The following HECW1 variants were observed in gnomAD, a reference collection of about 807,000 sequenced individuals.
The protein encoded by HECW1 is E3 ubiquitin-protein ligase HECW1.
In HECW1, 61 loss-of-function variants were observed where a neutral mutation model predicts 182.3. The ratio of observed to expected loss-of-function variants is 0.33; its 90% CI spans 0.27 to 0.41. HECW1 has a LOEUF of 0.41. HECW1 is among the 10% of genes least tolerant of loss of function. The probability of loss-of-function intolerance (pLI) is 1.00; values close to 1 mark genes in which losing one functional copy is unlikely to be tolerated. For missense variants in HECW1, 1,739 were observed against 2,108.9 expected (o/e 0.82, Z 3.44); for synonymous variants, 859 against 832.6 (o/e 1.03, Z -0.55).
At chr7:43,217,987 T>C (rs1279727461) in intron 2 of HECW1, among the ~76,000 whole-genome samples, 1 of 152,160 alleles carries the variant, frequency 6.6e-6, no homozygotes, top group Non-Finnish European at 1.5e-5. Flanking sequence ...CAGGGAGGCC[T>C]GTGGGGTCCA....
intron 18 of HECW1, 83 bp from the exon 19 acceptor site, chr7:43,493,001 T>C: frequency 1.2e-6 from 1 of 860,414 alleles, no homozygotes. Context: ...TTAATCCTGG[T>C]ATCAAGCAGC....
rs747334643 is a variant in HECW1 at position 43,445,275 on chromosome 7, G to A, written c.2103G>A (p.Ser701=). 6 of 1,612,856 alleles carry A rather than the reference G, an allele frequency of 3.7e-6. No homozygotes were observed. The highest frequency in any genetic ancestry group is 1.7e-5 in the Admixed American group (1 of 60,032). Residue 701 remains serine, a synonymous_variant, in exon 11 of 30, where the codon TCG becomes TCA. Transcript: ENST00000395891. ...SCYSSSCYSA[S]CYSPSCYNGN... ...ACAGCAGCTCGTGCTACAGCGCCTC[G>A]TGCTACAGCCCCTCCTGCTACAACG... is the stretch of plus-strand genomic sequence containing the variant.
chr7:43,255,471 C>T (rs1335172545), intron 3 of HECW1, among the ~76,000 whole-genome samples: 1 of 152,130 alleles, frequency 6.6e-6, no homozygotes, highest in African/African-American at 2.4e-5. Flanking sequence ...TGGTTGCACA[C>T]CTGTAATCCC....
chr7:43,530,667 A>T (rs941318892), intron 24 of HECW1, among the ~76,000 whole-genome samples: 39 of 152,144 alleles, frequency 2.6e-4, no homozygotes, highest in African/African-American at 9.4e-4. Context: ...TGAGCTTCAA[A>T]CTTTATTATC....
At chr7:43,255,829 T>C (rs1280548090) in intron 3 of HECW1, among the ~76,000 whole-genome samples, 1 of 152,036 alleles carries the variant, frequency 6.6e-6, no homozygotes, top group African/African-American at 2.4e-5. Flanking sequence ...GACAGCTCTA[T>C]GAGCATGCAT....
chr7:43,202,971 A>C (rs1195644946), intron 2 of HECW1, among the ~76,000 whole-genome samples: 2 of 151,960 alleles, frequency 1.3e-5, no homozygotes, highest in Non-Finnish European at 2.9e-5. Context: ...CCTATAAAAC[A>C]GCCCCACCCC....
chr7:43,239,619 G>A (rs1798690309), intron 2 of HECW1, among the ~76,000 whole-genome samples: 1 of 152,214 alleles, frequency 6.6e-6, no homozygotes, highest in African/African-American at 2.4e-5. Context: ...AATCCTAAAT[G>A]CCAATTGTCC....
chr7:43,212,208 A>G (rs79018008), intron 2 of HECW1, among the ~76,000 whole-genome samples: 18,366 of 152,216 alleles, frequency 0.12, 1,155 homozygotes, highest in Middle Eastern at 0.16. Context: ...TATTAAATGA[A>G]ATGCATGAAT....
chr7:43,528,700 C>T (rs944854700), intron 24 of HECW1, among the ~76,000 whole-genome samples: 1 of 152,216 alleles, frequency 6.6e-6, no homozygotes, highest in Admixed American at 6.5e-5. Flanking sequence ...GGTCTCACTC[C>T]TCTGCCCCCC....
chr7:43,488,494 GAAAGAAAGAAAAGA>G (rs1158779569), intron 17 of HECW1, among the ~76,000 whole-genome samples: 1 of 144,240 alleles, frequency 6.9e-6, no homozygotes, highest in African/African-American at 2.5e-5. Context: ...GAAAGAGAAA[GAAAGAAAGAAAAGA>G]AAAGAAAGAA....
chr7:43,188,683 G>A (rs1793629144), intron 2 of HECW1, among the ~76,000 whole-genome samples: 1 of 152,146 alleles, frequency 6.6e-6, no homozygotes, highest in Admixed American at 6.5e-5. Context: ...AAAATTAAAT[G>A]TACTGGCTGG....
intron 3 of HECW1, among the ~76,000 whole-genome samples, chr7:43,251,420 C>T (rs1473043723): frequency 6.6e-6 from 1 of 152,086 alleles, no homozygotes; most frequent in Non-Finnish European, 1.5e-5. Flanking sequence ...AGCAATTCTC[C>T]AGCCTCAGCC....
intron 24 of HECW1, among the ~76,000 whole-genome samples, chr7:43,531,106 C>T (rs2080966494): frequency 6.6e-6 from 1 of 152,230 alleles, no homozygotes; most frequent in Non-Finnish European, 1.5e-5. Flanking sequence ...CTGTTCTAAA[C>T]ACATACCATT....
chr7:43,415,398 G>A (rs1419725741), intron 8 of HECW1, among the ~76,000 whole-genome samples: 5 of 146,460 alleles, frequency 3.4e-5, no homozygotes, highest in East Asian at 2.0e-4. Context: ...CGAGAGATCC[G>A]CTGTTAGTCT....
At chr7:43,320,403 G>C (rs1437590835) in intron 4 of HECW1, among the ~76,000 whole-genome samples, 1 of 152,210 alleles carries the variant, frequency 6.6e-6, no homozygotes, top group Non-Finnish European at 1.5e-5. Context: ...GAACCAGCTA[G>C]ATGATCTCCT....
chr7:43,159,918 A>T (rs374907278), intron 2 of HECW1, among the ~76,000 whole-genome samples: 18 of 152,250 alleles, frequency 1.2e-4, no homozygotes, highest in African/African-American at 4.1e-4. Flanking sequence ...TGACCTCGTG[A>T]TCTGCCCGCC....
chr7:43,463,842 G>A, intron 14 of HECW1, 43 bp downstream of exon 14: 6 of 1,604,710 alleles, frequency 3.7e-6, no homozygotes, highest in South Asian at 1.1e-5. Flanking sequence ...GGCTTTCAGG[G>A]GCTGTGTGAC....
intron 27 of HECW1, 134 bp downstream of exon 27, chr7:43,550,725 G>A: frequency 2.4e-6 from 2 of 836,452 alleles, no homozygotes; most frequent in Non-Finnish European, 1.9e-6. Flanking sequence ...TGGGCAGTGG[G>A]CTCAGCGAGT....
At chr7:43,482,645 C>T (rs1171530386) in intron 17 of HECW1, among the ~76,000 whole-genome samples, 1 of 152,088 alleles carries the variant, frequency 6.6e-6, no homozygotes. Flanking sequence ...GTGACTCATG[C>T]CTGTAATGAA....
Sources: gnomAD v4.1 joint callset for allele counts (sites outside exome capture counted in the v4.1 genomes callset) on GRCh38, gnomAD v4.1.1 for gene constraint, MANE v1.5 for transcripts, NCBI Gene and HGNC (gene_info 2026-07-23, HGNC 2026-07-21) for gene names.